Variants in CSMD1 observed in about 807,000 individuals in gnomAD.
The protein encoded by CSMD1 is CUB and sushi domain-containing protein 1.
Under a neutral mutation model 417.5 loss-of-function variants are expected in CSMD1, and 213 were observed. The observed-to-expected ratio is 0.51, with a 90% CI of 0.46 to 0.57. CSMD1 has a LOEUF of 0.57. Ranked by LOEUF, CSMD1 falls within the 20% of genes least tolerant of loss-of-function variation. The pLI, the probability that CSMD1 is intolerant of heterozygous loss-of-function variation, is 0.00. For synonymous variants in CSMD1, 2,862 were observed against 1,736.8 expected, an observed-to-expected ratio of 1.65 and a Z score of -16.11; for missense variants, 6,923 against 4,529.7, an observed-to-expected ratio of 1.53 and a Z score of -15.17.
intron 42 of CSMD1, among the ~76,000 whole-genome samples, chr8:3,115,007 GATTT>G (rs1225084083): frequency 6.6e-6 from 1 of 152,084 alleles, no homozygotes; most frequent in Non-Finnish European, 1.5e-5. Context: ...TAGTGTTTAA[GATTT>G]ATTTAATGCC....
intron 56 of CSMD1, among the ~76,000 whole-genome samples, chr8:2,974,143 T>C (rs1396334440): frequency 6.6e-6 from 1 of 151,514 alleles, no homozygotes; most frequent in South Asian, 2.1e-4. Flanking sequence ...ATTAACCACA[T>C]AAAAAAGAAT....
At chr8:2,977,598 G>T (rs771398153) in intron 55 of CSMD1, among the ~76,000 whole-genome samples, 2 of 152,128 alleles carry the variant, frequency 1.3e-5, no homozygotes, top group Non-Finnish European at 2.9e-5. Context: ...CTAAACAAAA[G>T]AGCTTTAGCA....
At chr8:4,688,308 A>G (rs1247417406) in intron 1 of CSMD1, among the ~76,000 whole-genome samples, 4 of 152,192 alleles carry the variant, frequency 2.6e-5, no homozygotes, top group Admixed American at 1.3e-4. Flanking sequence ...CTGAAAAAGC[A>G]TGGGCTTGGG....
intron 4 of CSMD1, among the ~76,000 whole-genome samples, chr8:4,019,390 T>C (rs1234847409): frequency 3.9e-5 from 6 of 152,182 alleles, no homozygotes; most frequent in Admixed American, 2.6e-4. Flanking sequence ...GCTGCAAGCA[T>C]ACTACCAAGT....
chr8:4,491,181 G>T (rs947222110), intron 2 of CSMD1, among the ~76,000 whole-genome samples: 1 of 151,912 alleles, frequency 6.6e-6, no homozygotes, highest in Non-Finnish European at 1.5e-5. Context: ...ATCTGTACAT[G>T]TACTGCTGAA....
At chr8:4,270,084 G>A (rs932674824) in intron 3 of CSMD1, among the ~76,000 whole-genome samples, 3 of 152,128 alleles carry the variant, frequency 2.0e-5, no homozygotes, top group African/African-American at 7.2e-5. Flanking sequence ...AGAGAAACAT[G>A]ATCAGATCAA....
intron 2 of CSMD1, among the ~76,000 whole-genome samples, chr8:4,447,466 A>G (rs894869035): frequency 6.6e-6 from 1 of 152,246 alleles, no homozygotes. Context: ...TATTATTCAT[A>G]GACAGTAAAC....
chr8:4,830,159 T>A (rs946716386), intron 1 of CSMD1, among the ~76,000 whole-genome samples: 1 of 152,164 alleles, frequency 6.6e-6, no homozygotes, highest in Non-Finnish European at 1.5e-5. Flanking sequence ...AATCTGACAG[T>A]ACAAGAAGAG....
At position 3,432,794 on chromosome 8, in the gene CSMD1, A is replaced by T. The variant is rs779115204; in HGVS notation, c.1562-23189T>A. On this transcript the variant is annotated intron_variant, in intron 12 of 69. Coordinates refer to ENST00000635120, the MANE Select transcript of CSMD1 (RefSeq NM_033225.6). Reference sequence around the variant, plus strand: ...CTCCCAAAGTCCTGGGATTACAGGCATGAGCCACTACACATGGCCAACATG... The same window carrying T: ...CTCCCAAAGTCCTGGGATTACAGGCTTGAGCCACTACACATGGCCAACATG... Among the ~76,000 whole-genome samples, 3 of 152,200 alleles carry T rather than the reference A, an allele frequency of 2.0e-5. 1 individual carries two copies. The highest frequency in any genetic ancestry group is 4.4e-5 in the Non-Finnish European group (3 of 68,040).
intron 10 of CSMD1, among the ~76,000 whole-genome samples, chr8:3,499,986 G>A (rs1268355931): frequency 6.6e-6 from 1 of 152,066 alleles, no homozygotes; most frequent in African/African-American, 2.4e-5. Flanking sequence ...TTGGCTCAGG[G>A]CCTATGAGGC....
chr8:4,419,208 A>T (rs150228626), intron 3 of CSMD1, among the ~76,000 whole-genome samples: 3 of 152,182 alleles, frequency 2.0e-5, no homozygotes, highest in African/African-American at 7.2e-5. Context: ...CAGACTCCAG[A>T]GTTTCTGTTA....
chr8:3,091,703 AG>A, intron 47 of CSMD1, 41 bp from the exon 48 acceptor site: 1 of 1,577,262 alleles, frequency 6.3e-7, no homozygotes, highest in Non-Finnish European at 8.6e-7. Flanking sequence ...GAGATGAGTG[AG>A]CACCTACCAA....
intron 1 of CSMD1, among the ~76,000 whole-genome samples, chr8:4,968,085 G>T (rs1051030840): frequency 6.6e-6 from 1 of 152,048 alleles, no homozygotes; most frequent in Non-Finnish European, 1.5e-5. Context: ...AATATAATTT[G>T]TTTCATGATG....
At chr8:4,409,771 T>C (rs1018081413) in intron 3 of CSMD1, among the ~76,000 whole-genome samples, 32 of 151,808 alleles carry the variant, frequency 2.1e-4, no homozygotes, top group Admixed American at 2.1e-3. Context: ...TCCAGGAGAA[T>C]GTAATATCAT....
intron 5 of CSMD1, among the ~76,000 whole-genome samples, chr8:3,862,940 C>T (rs947836369): frequency 6.6e-6 from 1 of 152,084 alleles, no homozygotes; most frequent in African/African-American, 2.4e-5. Context: ...TTTTAAACAG[C>T]AGAAATTTAT....
At chr8:4,102,623 G>A (rs985113601) in intron 3 of CSMD1, among the ~76,000 whole-genome samples, 1 of 152,114 alleles carries the variant, frequency 6.6e-6, no homozygotes, top group Non-Finnish European at 1.5e-5. Flanking sequence ...AATGCCTCCT[G>A]TTCTTGGCCT....
chr8:3,216,269 T>C (rs984936647), intron 29 of CSMD1, among the ~76,000 whole-genome samples: 1 of 152,190 alleles, frequency 6.6e-6, no homozygotes, highest in Non-Finnish European at 1.5e-5. Context: ...TTTAAGCAAA[T>C]ACAGATCAAA....
chr8:3,026,835 A>G (rs1809966203), intron 51 of CSMD1, among the ~76,000 whole-genome samples: 1 of 152,224 alleles, frequency 6.6e-6, no homozygotes, highest in Non-Finnish European at 1.5e-5. Context: ...AAAACCCCTG[A>G]GAACAGTTGC....
intron 2 of CSMD1, among the ~76,000 whole-genome samples, chr8:4,578,962 A>G (rs1433444911): frequency 6.6e-6 from 1 of 152,062 alleles, no homozygotes; most frequent in Non-Finnish European, 1.5e-5. Context: ...AAAATGATTA[A>G]CCTTTTTAAA....
Sources: gnomAD v4.1 joint callset for allele counts (sites outside exome capture counted in the v4.1 genomes callset) on GRCh38, gnomAD v4.1.1 for gene constraint, MANE v1.5 for transcripts, NCBI Gene and HGNC (gene_info 2026-07-23, HGNC 2026-07-21) for gene names.